Variants in EML1 observed in about 807,000 individuals in gnomAD.
EML1 encodes EMAP like 1.
A neutral mutation model predicts 110.4 loss-of-function variants in EML1; 27 were observed. That is an observed-to-expected ratio of 0.24 (90% CI 0.18 to 0.34). EML1 has a LOEUF of 0.34. EML1 is among the 10% of genes least tolerant of loss of function. EML1 has a pLI of 1.00. For missense variants in EML1, 741 were observed against 1,030.9 expected (o/e 0.72, Z 3.85); for synonymous variants, 344 against 385.8 (o/e 0.89, Z 1.27).
At chr14:99,742,740 C>G (rs1278921687) in intron 1 of EML1, among the ~76,000 whole-genome samples, 1 of 152,120 alleles carries the variant, frequency 6.6e-6, no homozygotes, top group Non-Finnish European at 1.5e-5. Flanking sequence ...CCCATGTGCC[C>G]TGGCCCTGGA....
At chr14:99,815,303 G>A (rs377465048) in intron 1 of EML1, among the ~76,000 whole-genome samples, 58 of 151,964 alleles carry the variant, frequency 3.8e-4, no homozygotes, top group East Asian at 2.5e-3. Flanking sequence ...CACCACTCCC[G>A]GCTAATTTTT....
At chr14:99,879,307 A>C (rs1316795103) in intron 4 of EML1, among the ~76,000 whole-genome samples, 1 of 152,182 alleles carries the variant, frequency 6.6e-6, no homozygotes, top group Non-Finnish European at 1.5e-5. Context: ...TTGTAAAGAA[A>C]ATCCAGTTTC....
chr14:99,911,351 G>C, intron 12 of EML1, 71 bp from the exon 13 acceptor site: 1 of 1,512,114 alleles, frequency 6.6e-7, no homozygotes, highest in Non-Finnish European at 8.8e-7. Flanking sequence ...ACCTAAGTCA[G>C]ATGAGATTAG....
intron 1 of EML1, among the ~76,000 whole-genome samples, chr14:99,779,731 C>CT (rs2057519839): frequency 6.6e-6 from 1 of 152,208 alleles, no homozygotes; most frequent in South Asian, 2.1e-4. Context: ...TAGGAAGGGG[C>CT]TGGGGTGAGG....
intron 1 of EML1, among the ~76,000 whole-genome samples, chr14:99,846,141 A>T (rs1010910048): frequency 1.3e-5 from 2 of 152,020 alleles, no homozygotes; most frequent in African/African-American, 4.8e-5. Context: ...CAGGAAGCAG[A>T]AGTTACAAGG....
At chr14:99,929,553 G>A (rs1408998943) in intron 17 of EML1, among the ~76,000 whole-genome samples, 1 of 152,234 alleles carries the variant, frequency 6.6e-6, no homozygotes, top group Non-Finnish European at 1.5e-5. Context: ...ATGCGTGAAT[G>A]TAGCTATAAC....
rs551145430 is a variant in EML1 at position 99,870,506 on chromosome 14, GT to G, written c.383+4862del. 4.8e-3 allele frequency among the ~76,000 whole-genome samples: 728 copies of G among 152,328 alleles called. 5 individuals are homozygous for G. Among genetic ancestry groups the G allele is most frequent in the African/African-American group, 0.017 (703 of 41,566 alleles). On this transcript the variant is annotated intron_variant, in intron 3 of 21. Transcript: ENST00000262233. ...ACATTTTCAATGTAGATGAAACAGC[GT>G]TACATTGGAGGAAGGTGCCATCTAG...
At chr14:99,768,324 G>C (rs2140197784), upstream of EML1, among the ~76,000 whole-genome samples, 1 of 152,338 alleles carries the variant, frequency 6.6e-6, no homozygotes. Flanking sequence ...TGGTGGAGTG[G>C]TGAGATGGGG....
upstream of EML1, among the ~76,000 whole-genome samples, chr14:99,768,106 T>A (rs542876528): frequency 6.6e-5 from 10 of 152,282 alleles, no homozygotes; most frequent in Admixed American, 5.2e-4. Context: ...CAGTGGCTTC[T>A]CCCAGAGATG....
intron 3 of EML1, among the ~76,000 whole-genome samples, chr14:99,877,470 G>C (rs1262977543): frequency 1.3e-5 from 2 of 152,116 alleles, no homozygotes; most frequent in Non-Finnish European, 2.9e-5. Flanking sequence ...CCTAGAGCAG[G>C]CTCTTTCCAT....
chr14:99,751,168 G>T (rs2057170562), intron 1 of EML1, among the ~76,000 whole-genome samples: 1 of 152,102 alleles, frequency 6.6e-6, no homozygotes, highest in South Asian at 2.1e-4. Flanking sequence ...AGGACAGTCT[G>T]CCCCTCACCT....
chr14:99,939,347 A>G lies in EML1; in HGVS notation c.2322+20A>G. The G allele has an allele frequency of 6.2e-7, 1 of 1,613,954 alleles. No individual in the cohort carries two copies. The highest frequency in any genetic ancestry group is 1.3e-5 in the African/African-American group (1 of 75,038). On this transcript the variant is annotated intron_variant, in intron 21 of 21. Transcript: ENST00000262233. This position sits in a 1 kb window ranked among gnomAD's most constrained non-coding sequence, Gnocchi z 4.2. ...TTCAGGGTAAAGGACTTGTTTCTTCACTAATCTTATCCCCCATGGGGCATG... is the reference window on the plus strand; with the variant it reads ...TTCAGGGTAAAGGACTTGTTTCTTCGCTAATCTTATCCCCCATGGGGCATG...
chr14:99,932,805 C>T (rs1389995675), intron 17 of EML1, among the ~76,000 whole-genome samples: 1 of 151,892 alleles, frequency 6.6e-6, no homozygotes, highest in African/African-American at 2.4e-5. Flanking sequence ...TTGCGTTAAA[C>T]CTGTTTGTTA....
chr14:99,879,060 A>G (rs2059342718), intron 4 of EML1, among the ~76,000 whole-genome samples: 1 of 152,208 alleles, frequency 6.6e-6, no homozygotes, highest in Non-Finnish European at 1.5e-5. Flanking sequence ...TTTATGATTT[A>G]TCAGAGGCTA....
intron 1 of EML1, among the ~76,000 whole-genome samples, chr14:99,829,802 A>G (rs897448339): frequency 2.6e-5 from 4 of 152,214 alleles, no homozygotes; most frequent in African/African-American, 9.6e-5. Flanking sequence ...TAATGTTTTC[A>G]AGTTCCATCT....
At chr14:99,817,685 A>T (rs2058192196) in intron 1 of EML1, among the ~76,000 whole-genome samples, 1 of 152,170 alleles carries the variant, frequency 6.6e-6, no homozygotes, top group Admixed American at 6.5e-5. Context: ...CCCATTCGGC[A>T]CATTCCTTGA....
At chr14:99,738,343 C>G (rs139180300) in intron 1 of EML1, among the ~76,000 whole-genome samples, 2 of 152,350 alleles carry the variant, frequency 1.3e-5, no homozygotes, top group Non-Finnish European at 2.9e-5. Context: ...TGTGTGCCCT[C>G]ATATCCTCTA....
intron 17 of EML1, among the ~76,000 whole-genome samples, chr14:99,927,779 T>TG (rs2060262641): frequency 1.3e-5 from 1 of 75,938 alleles, no homozygotes; most frequent in Non-Finnish European, 2.4e-5. Flanking sequence ...GTGGTGGTGG[T>TG]AGTGGTGGTG....
At chr14:99,800,398 C>T (rs1238691528) in intron 1 of EML1, among the ~76,000 whole-genome samples, 1 of 151,966 alleles carries the variant, frequency 6.6e-6, no homozygotes, top group East Asian at 1.9e-4. Context: ...GGGTCTCACT[C>T]TGTTGCCCAG....
Sources: gnomAD v4.1 joint callset for allele counts (sites outside exome capture counted in the v4.1 genomes callset) on GRCh38, gnomAD v4.1.1 for gene constraint, Gnocchi (gnomAD v3.1) non-coding constraint, MANE v1.5 for transcripts, NCBI Gene and HGNC (gene_info 2026-07-23, HGNC 2026-07-21) for gene names.